The following ZNF486 variants were observed in gnomAD, a reference collection of about 807,000 sequenced individuals.
ZNF486 encodes the protein zinc finger protein 486, also known as KRAB box only protein 2.
Under a neutral mutation model 12.8 loss-of-function variants are expected in ZNF486, and 12 were observed. The observed-to-expected ratio is 0.94, with a 90% CI of 0.60 to 1.52. The LOEUF (loss-of-function observed/expected upper bound fraction) is 1.52, where lower values mean the gene tolerates loss of function less well. ZNF486 is among the 40% of genes most tolerant of loss of function. ZNF486 has a pLI of 0.00. For missense variants in ZNF486, 738 were observed against 545.0 expected, an observed-to-expected ratio of 1.35 and a Z score of -3.53; for synonymous variants, 231 against 184.9, an observed-to-expected ratio of 1.25 and a Z score of -2.02.
Position 20,197,448 on chromosome 19 carries a change from C to T in ZNF486, c.738C>T (p.Val246=). Residue 246 remains valine (V), a synonymous_variant, in exon 4 of 4, where the codon GTC becomes GTT. Transcript: ENST00000335117. ...ACAAATGTGAAGAATGTGGCAAAGT[C>T]TTTAAGTACTTCTCTAGCTTTACTA... is the stretch of plus-strand genomic sequence containing the variant. ...KPYKCEECGK[V]FKYFSSFTTH... The T allele has an allele frequency of 6.2e-7, 1 of 1,612,876 alleles. No individual in the cohort carries two copies. Among genetic ancestry groups the T allele is most frequent in the East Asian group, 2.2e-5 (1 of 44,810 alleles).
Position 20,197,229 on chromosome 19 carries a change from A to C in ZNF486, c.519A>C (p.Lys173Asn). Residue 173 changes from lysine to asparagine, a missense_variant, in exon 4 of 4, where the codon AAA (lysine) becomes AAC (asparagine). Coordinates refer to ENST00000335117, the MANE Select transcript of ZNF486 (RefSeq NM_052852.4). ...FHQFSNSKRH[K>N]RRHTEKKPLK... is the part of the protein sequence containing the mutation. ...AATTTTCAAATTCAAAGAGACATAAAAGAAGACATACTGAAAAAAAACCTT... is the reference window on the plus strand; with the variant it reads ...AATTTTCAAATTCAAAGAGACATAACAGAAGACATACTGAAAAAAAACCTT... 2 of 1,613,046 alleles carry C rather than the reference A, an allele frequency of 1.2e-6. No homozygotes were observed. Among genetic ancestry groups the C allele is most frequent in the Non-Finnish European group, 1.7e-6 (2 of 1,179,762 alleles).
intron 2 of ZNF486, among the ~76,000 whole-genome samples, chr19:20,185,322 A>G (rs530055989): frequency 6.6e-6 from 1 of 151,238 alleles, no homozygotes; most frequent in Non-Finnish European, 1.5e-5. Flanking sequence ...GAGACCATAC[A>G]TATACTTGTA....
chr19:20,193,179 A>G (rs2089919110), intron 3 of ZNF486, among the ~76,000 whole-genome samples: 1 of 151,302 alleles, frequency 6.6e-6, no homozygotes, highest in Non-Finnish European at 1.5e-5. Context: ...CTATGCCTCT[A>G]TATTTTATGG....
In ZNF486 at chr19:20,186,124, A is replaced by G. The variant is rs199716457; in HGVS notation, c.253+42A>G. 199 of 1,483,566 alleles carry G rather than the reference A, an allele frequency of 1.3e-4. No homozygotes were observed. The East Asian group carries it at 4.8e-3, about 36-fold the overall frequency. 91.9% of individuals were successfully genotyped at this position (1,483,566 alleles called of 1,614,324 possible). A position where few individuals can be genotyped will look rare whatever the true frequency, so the allele number is the denominator to read the frequency against. ...ATGAACACAACAGACAATGCAGATA[A>G]GAGGTCCCAAGGTCAAAAAGAAAGC... On this transcript the variant is annotated intron_variant, in intron 3 of 3. Coordinates refer to ENST00000335117, the MANE Select transcript of ZNF486 (RefSeq NM_052852.4).
chr19:20,181,389 AT>A (rs2089783552), intron 1 of ZNF486, among the ~76,000 whole-genome samples: 1 of 152,152 alleles, frequency 6.6e-6, no homozygotes. Context: ...AATACAAAAA[AT>A]TAGCTGGGTG....
rs781897219 is a variant in ZNF486 at position 20,186,027 on chromosome 19, G to A, written c.198G>A (p.Glu66=). ...AGCCAGACCTGATCACCTGTCTGGA[G>A]CAAGGAATAAAACCTCTGACTATGA... ...VSKPDLITCL[E]QGIKPLTMKR... The change falls in exon 3 of 4, where the codon GAG becomes GAA. Residue 66 remains glutamate, a synonymous_variant. Coordinates refer to ENST00000335117, the MANE Select transcript of ZNF486 (RefSeq NM_052852.4). 6.3e-7 allele frequency: 1 copy of A among 1,591,066 alleles called. No individual in the cohort carries two copies. The highest frequency in any genetic ancestry group is 1.2e-5 in the South Asian group (1 of 86,784).
chr19:20,187,873 TC>T (rs2089866196), intron 3 of ZNF486, among the ~76,000 whole-genome samples: 1 of 152,052 alleles, frequency 6.6e-6, no homozygotes, highest in Admixed American at 6.6e-5. Context: ...TGAGATGCCC[TC>T]TGAATTTGTA....
In ZNF486 at chr19:20,197,658, T is replaced by C. The variant is rs782214159; in HGVS notation, c.948T>C (p.His316=). 4 of 1,613,844 alleles carry C rather than the reference T, an allele frequency of 2.5e-6. No homozygotes were observed. Among genetic ancestry groups the C allele is most frequent in the Non-Finnish European group, 3.4e-6 (4 of 1,179,852 alleles). The change falls in exon 4 of 4, where the codon CAT becomes CAC. Residue 316 remains histidine (H), a synonymous_variant. Transcript: ENST00000335117. ...PATLSSHKKI[H]TGEKPYTCDK... The stretch of plus-strand genomic sequence containing the variant: ...CTCTTTCTTCACATAAGAAAATTCA[T>C]ACTGGAGAGAAACCGTACACGTGTG...
chr19:20,183,849 A>AT (rs1452231360), intron 1 of ZNF486, among the ~76,000 whole-genome samples: 1 of 152,156 alleles, frequency 6.6e-6, no homozygotes, highest in Non-Finnish European at 1.5e-5. Flanking sequence ...CACTTACTGC[A>AT]TTTGACAAAA....
In ZNF486 at chr19:20,167,302, C is replaced by T. The variant is rs113402417; in HGVS notation, c.-29C>T. The T allele has an allele frequency of 6.4e-5, 103 of 1,614,026 alleles. No individual in the cohort carries two copies. Among genetic ancestry groups the T allele is most frequent in the African/African-American group, 3.9e-4 (29 of 75,040 alleles). ...GGCCCACCCTCTGTGGCCCTGTGTC[C>T]TGTAGGTATTGGGAGATCCACAGCC... On this transcript the variant is annotated 5_prime_UTR_variant, in exon 1 of 4. Transcript: ENST00000335117.
rs568219981 is a variant in ZNF486 at position 20,177,654 on chromosome 19, T to C, written c.31-6702T>C. Among the ~76,000 whole-genome samples the C allele has an allele frequency of 4.4e-3, 666 of 152,278 alleles. 5 individuals are homozygous for C. The highest frequency in any genetic ancestry group is 7.6e-3 in the Non-Finnish European group (518 of 67,998). ...GTGCAATGGTGCGATCTCAGCTCAC[T>C]AACCCCGCCTCCCAGGTTCAAGTGA... On this transcript the variant is annotated intron_variant, in intron 1 of 3. Coordinates refer to ENST00000335117, the MANE Select transcript of ZNF486 (RefSeq NM_052852.4).
At chr19:20,195,741 ATTG>A (rs1314348792) in intron 3 of ZNF486, among the ~76,000 whole-genome samples, 1 of 152,112 alleles carries the variant, frequency 6.6e-6, no homozygotes, top group Non-Finnish European at 1.5e-5. Context: ...TTTTGTGTTT[ATTG>A]TTTAGTTAAA....
At chr19:20,190,853 C>T (rs1220180203) in intron 3 of ZNF486, among the ~76,000 whole-genome samples, 1 of 152,282 alleles carries the variant, frequency 6.6e-6, no homozygotes, top group Non-Finnish European at 1.5e-5. Flanking sequence ...AGACCTCATG[C>T]TGCAAAATAA....
At position 20,197,980 on chromosome 19, in the gene ZNF486, C is replaced by T. The variant is rs117307957; in HGVS notation, c.1270C>T (p.His424Tyr). 15 of 1,613,738 alleles carry T rather than the reference C, an allele frequency of 9.3e-6. No individual in the cohort carries two copies. The East Asian group carries it at 3.3e-4, about 36-fold the overall frequency. Residue 424 changes from histidine (H) to tyrosine (Y), a missense_variant, in exon 4 of 4, where the codon CAT becomes TAT. His to Tyr is a moderately conservative substitution (Grantham distance 83, BLOSUM62 2). Coordinates refer to ENST00000335117, the MANE Select transcript of ZNF486 (RefSeq NM_052852.4). Reference sequence around the variant, plus strand: ...TACTACATCCTCAAATCTAACTGAACATAAGACAACTCATACTGGAGAGAA... The same window carrying T: ...TACTACATCCTCAAATCTAACTGAATATAAGACAACTCATACTGGAGAGAA... ...AYTTSSNLTE[H>Y]KTTHTGEKPY...
intron 1 of ZNF486, 75 bp downstream of exon 1, chr19:20,167,435 C>T (rs1000343812): frequency 9.8e-6 from 15 of 1,536,946 alleles, no homozygotes; most frequent in African/African-American, 1.4e-5. Context: ...GGGACTCAGG[C>T]CTCCCCGTAG....
chr19:20,194,041 A>G (rs2089933048), intron 3 of ZNF486, among the ~76,000 whole-genome samples: 1 of 151,754 alleles, frequency 6.6e-6, no homozygotes, highest in South Asian at 2.1e-4. Context: ...TATGTTGTAT[A>G]TTTATTAACA....
At chr19:20,195,905 TTA>T (rs1282149582) in intron 3 of ZNF486, among the ~76,000 whole-genome samples, 2 of 152,210 alleles carry the variant, frequency 1.3e-5, no homozygotes, top group African/African-American at 4.8e-5. Flanking sequence ...TTTTAGCATT[TTA>T]TGTCATGGGA....
intron 1 of ZNF486, among the ~76,000 whole-genome samples, chr19:20,171,651 C>T (rs1308849247): frequency 2.0e-5 from 3 of 152,242 alleles, no homozygotes; most frequent in Non-Finnish European, 4.4e-5. Context: ...ACCTGGGCCA[C>T]TATCTGTAGT....
At chr19:20,169,903 T>C (rs1320550804) in intron 1 of ZNF486, among the ~76,000 whole-genome samples, 1 of 147,392 alleles carries the variant, frequency 6.8e-6, no homozygotes, top group Non-Finnish European at 1.5e-5. Flanking sequence ...TTTTTTTTTT[T>C]TTTTTTTGAG....
Sources: allele counts gnomAD v4.1 joint callset (sites outside exome capture counted in the v4.1 genomes callset), GRCh38; gene constraint gnomAD v4.1.1; transcripts MANE v1.5; gene names NCBI Gene and HGNC (gene_info 2026-07-23, HGNC 2026-07-21).